Variants in BANK1 observed in about 807,000 individuals in gnomAD.
BANK1 encodes B cell scaffold protein with ankyrin repeats 1.
In BANK1, 95 loss-of-function variants were observed where a neutral mutation model predicts 94.5. That is an observed-to-expected ratio of 1.00 (90% CI 0.85 to 1.19). BANK1 has a LOEUF of 1.19. Among genes scored for constraint, BANK1 ranks in the 50% most tolerant of loss-of-function variants. The pLI is 0.00. For missense variants in BANK1, 987 were observed against 932.2 expected (o/e 1.06, Z -0.77); for synonymous variants, 334 against 308.4 (o/e 1.08, Z -0.87).
intron 6 of BANK1, among the ~76,000 whole-genome samples, chr4:101,909,729 G>A (rs545542216): frequency 7.2e-5 from 11 of 152,182 alleles, no homozygotes; most frequent in South Asian, 2.1e-4. Context: ...AGATTTTGGG[G>A]GGCCTGCTCC....
chr4:101,813,844 A>G (rs556360141), intron 1 of BANK1: 90 of 985,398 alleles, frequency 9.1e-5, no homozygotes, highest in Non-Finnish European at 9.8e-5. Context: ...CAAGGGCTGC[A>G]GAGGATGCAC....
intron 7 of BANK1, among the ~76,000 whole-genome samples, chr4:101,952,872 A>T (rs1347571979): frequency 1.3e-5 from 2 of 152,104 alleles, no homozygotes; most frequent in African/African-American, 4.8e-5. Flanking sequence ...ATGCCAGGAG[A>T]TAGTAGGATA....
intron 12 of BANK1, among the ~76,000 whole-genome samples, chr4:102,061,075 A>C (rs2148963980): frequency 6.6e-6 from 1 of 152,326 alleles, no homozygotes; most frequent in Admixed American, 6.5e-5. Context: ...CTTATCACAG[A>C]AATCCCATTG....
At chr4:101,826,770 A>G (rs12163856) in intron 1 of BANK1, among the ~76,000 whole-genome samples, 71,297 of 151,744 alleles carry the variant, frequency 0.47, 17,978 homozygotes, top group African/African-American at 0.66. Flanking sequence ...TTCTCATTCT[A>G]CATACATAAA....
intron 7 of BANK1, among the ~76,000 whole-genome samples, chr4:101,979,087 A>C (rs1725237425): frequency 6.6e-6 from 1 of 152,036 alleles, no homozygotes; most frequent in Non-Finnish European, 1.5e-5. Context: ...TGTTAGGCAC[A>C]ATCCATTTTA....
chr4:101,924,587 G>C (rs929496165), intron 7 of BANK1, among the ~76,000 whole-genome samples: 2 of 151,728 alleles, frequency 1.3e-5, no homozygotes, highest in African/African-American at 4.8e-5. Flanking sequence ...ATCATTTGGC[G>C]GTGCGTTGGG....
At chr4:102,043,646 T>C (rs1727776461) in intron 10 of BANK1, among the ~76,000 whole-genome samples, 193 bp from the exon 11 acceptor site, 1 of 152,042 alleles carries the variant, frequency 6.6e-6, no homozygotes, top group Non-Finnish European at 1.5e-5. Context: ...TGAAAATGCT[T>C]TCTGAAATGA....
At chr4:101,986,893 G>GTATATATA (rs1262079308) in intron 7 of BANK1, among the ~76,000 whole-genome samples, 4 of 90,822 alleles carry the variant, frequency 4.4e-5, no homozygotes, top group East Asian at 6.1e-4. Flanking sequence ...GTGTGTGTGT[G>GTATATATA]TGTGTGTATA....
chr4:102,071,982 A>C (rs780317417), intron 14 of BANK1, among the ~76,000 whole-genome samples: 14 of 152,308 alleles, frequency 9.2e-5, no homozygotes, highest in Non-Finnish European at 1.9e-4. Context: ...CAGGGAGTAG[A>C]AGGCGCAGGT....
At position 101,870,561 on chromosome 4, in the gene BANK1, A is replaced by T; in HGVS notation, c.820A>T (p.Thr274Ser). 6.2e-7 allele frequency: 1 copy of T among 1,612,964 alleles called. No homozygotes were observed. ...NVYCDGIVKA[T>S]TKIKYYPTAK... ...CTACTGTGATGGAATCGTTAAAGCT[A>T]CAACCAAAATTAAGTACTACCCAAC... is the stretch of plus-strand genomic sequence containing the variant. Residue 274 changes from threonine (T) to serine (S), a missense_variant, in exon 5 of 17, where the codon ACA becomes TCA. By Grantham distance (58) the Thr-to-Ser change is moderately conservative. Transcript: ENST00000322953.
intron 7 of BANK1, among the ~76,000 whole-genome samples, chr4:101,989,431 CAAAA>C (rs899065744): frequency 6.4e-5 from 2 of 31,074 alleles, no homozygotes; most frequent in South Asian, 1.2e-3. Flanking sequence ...GACTCCGTCT[CAAAA>C]AAAAAAAAAA....
intron 7 of BANK1, among the ~76,000 whole-genome samples, chr4:101,943,124 A>G (rs566206031): frequency 6.6e-6 from 1 of 151,958 alleles, no homozygotes; most frequent in African/African-American, 2.4e-5. Context: ...GATGAATCTG[A>G]AAAACTTCAA....
Position 101,944,873 on chromosome 4 carries a change from T to A in BANK1, c.1206+26684T>A, listed in dbSNP as rs541745608. On this transcript the variant is annotated intron_variant, in intron 7 of 16. Coordinates refer to ENST00000322953, the MANE Select transcript of BANK1 (RefSeq NM_017935.5). Reference sequence around the variant, plus strand: ...TTAAAGTTTGCATGTGGAGTGAGTGTTTGCATTCCAAAGACCTGATGCTGG... The same window carrying A: ...TTAAAGTTTGCATGTGGAGTGAGTGATTGCATTCCAAAGACCTGATGCTGG... Among the ~76,000 whole-genome samples the A allele has an allele frequency of 5.3e-5, 8 of 152,084 alleles. No homozygotes were observed. The East Asian group carries it at 1.4e-3, about 26-fold the overall frequency.
At chr4:101,794,911 G>A (rs556103382) in intron 1 of BANK1, among the ~76,000 whole-genome samples, 2 of 152,130 alleles carry the variant, frequency 1.3e-5, no homozygotes, top group East Asian at 3.9e-4. Flanking sequence ...CATACTATGT[G>A]TCATATCTTT....
chr4:101,998,707 A>C (rs1338486309), intron 7 of BANK1, among the ~76,000 whole-genome samples: 1 of 152,008 alleles, frequency 6.6e-6, no homozygotes, highest in Non-Finnish European at 1.5e-5. Context: ...TCTAAAGTCC[A>C]TTTTATCAGA....
At chr4:101,956,336 TATC>T (rs1438967958) in intron 7 of BANK1, among the ~76,000 whole-genome samples, 1 of 152,210 alleles carries the variant, frequency 6.6e-6, no homozygotes, top group African/African-American at 2.4e-5. Flanking sequence ...TTTTGTTTCT[TATC>T]ATGTCTTTGC....
intron 1 of BANK1, among the ~76,000 whole-genome samples, chr4:101,821,818 G>A (rs1726160802): frequency 6.6e-6 from 1 of 152,106 alleles, no homozygotes; most frequent in South Asian, 2.1e-4. Context: ...GTAGAAAAAT[G>A]GCCATACAGG....
chr4:101,904,746 C>T (rs537028430), intron 6 of BANK1, among the ~76,000 whole-genome samples: 14 of 150,882 alleles, frequency 9.3e-5, no homozygotes, highest in South Asian at 2.1e-4. Context: ...TATAATTGGT[C>T]GAATAGTCCC....
At chr4:101,920,168 C>T (rs1056282479) in intron 7 of BANK1, among the ~76,000 whole-genome samples, 1 of 151,800 alleles carries the variant, frequency 6.6e-6, no homozygotes, top group African/African-American at 2.4e-5. Flanking sequence ...GGGAATTGAA[C>T]AGTGAGAACC....
Sources: gnomAD v4.1 joint callset for allele counts (sites outside exome capture counted in the v4.1 genomes callset) on GRCh38, gnomAD v4.1.1 for gene constraint, MANE v1.5 for transcripts, NCBI Gene and HGNC (gene_info 2026-07-23, HGNC 2026-07-21) for gene names.